The following PAPPA variants were observed in gnomAD, a reference collection of about 807,000 sequenced individuals.
The protein encoded by PAPPA is pappalysin 1.
Under a neutral mutation model 164.0 loss-of-function variants are expected in PAPPA, and 60 were observed. The ratio of observed to expected loss-of-function variants is 0.37; its 90% CI spans 0.30 to 0.45. PAPPA has a LOEUF of 0.45. PAPPA is among the 20% of genes least tolerant of loss of function. PAPPA has a pLI of 1.00. For missense variants in PAPPA, 1,782 were observed against 2,087.3 expected (o/e 0.85, Z 2.85); for synonymous variants, 875 against 814.1 (o/e 1.07, Z -1.27).
At chr9:116,334,277 G>A (rs1049192881) in intron 12 of PAPPA, among the ~76,000 whole-genome samples, 15 of 150,288 alleles carry the variant, frequency 1.0e-4, no homozygotes, top group Admixed American at 9.9e-4. Context: ...TCTTGAGTGA[G>A]GCAAGCTTGA....
chr9:116,317,625 G>A (rs747787479), intron 10 of PAPPA, among the ~76,000 whole-genome samples: 6 of 152,194 alleles, frequency 3.9e-5, no homozygotes, highest in Non-Finnish European at 8.8e-5. Context: ...CCTGTTTTAG[G>A]ATTATGGTGT....
chr9:116,169,307 A>ATTATTTTTTTTTT (rs1843748582), intron 1 of PAPPA, among the ~76,000 whole-genome samples: 1 of 41,336 alleles, frequency 2.4e-5, no homozygotes, highest in African/African-American at 6.9e-5. Flanking sequence ...CTCCAAACCC[A>ATTATTTTTTTTTT]TTCTTTTTTT....
intron 4 of PAPPA, among the ~76,000 whole-genome samples, chr9:116,215,530 G>A (rs951311641): frequency 6.6e-6 from 1 of 152,110 alleles, no homozygotes; most frequent in African/African-American, 2.4e-5. Context: ...TTATAAGTGG[G>A]GGCTAAATGA....
intron 12 of PAPPA, 172 bp downstream of exon 12, chr9:116,332,640 C>A: frequency 1.7e-6 from 1 of 590,008 alleles, no homozygotes. Context: ...GTTATGTATC[C>A]AGAGAAATCA....
At chr9:116,258,766 T>C (rs138365851) in intron 7 of PAPPA, among the ~76,000 whole-genome samples, 1 of 152,204 alleles carries the variant, frequency 6.6e-6, no homozygotes, top group East Asian at 1.9e-4. Flanking sequence ...CTTAAAGAGA[T>C]TAACTAGTGC....
intron 10 of PAPPA, among the ~76,000 whole-genome samples, chr9:116,313,525 A>C (rs1200501674): frequency 6.6e-6 from 1 of 152,164 alleles, no homozygotes; most frequent in East Asian, 1.9e-4. Context: ...CCAGGAAGAG[A>C]ATATCAATTT....
chr9:116,314,733 A>G (rs1845767057), intron 10 of PAPPA, among the ~76,000 whole-genome samples: 1 of 152,206 alleles, frequency 6.6e-6, no homozygotes, highest in African/African-American at 2.4e-5. Flanking sequence ...TGGAAACACC[A>G]TCATTTGCTC....
chr9:116,172,156 G>A (rs1228898802), intron 1 of PAPPA, among the ~76,000 whole-genome samples: 1 of 152,072 alleles, frequency 6.6e-6, no homozygotes, highest in East Asian at 1.9e-4. Context: ...TATTATTACT[G>A]CAATTTTCCA....
intron 4 of PAPPA, among the ~76,000 whole-genome samples, chr9:116,214,692 G>A (rs543156347): frequency 1.3e-5 from 2 of 152,142 alleles, no homozygotes; most frequent in Admixed American, 6.6e-5. Flanking sequence ...TAAAAGAGTA[G>A]CAGACCCAGT....
At chr9:116,179,026 ACT>A (rs1345762899) in intron 1 of PAPPA, among the ~76,000 whole-genome samples, 2 of 152,132 alleles carry the variant, frequency 1.3e-5, no homozygotes, top group Non-Finnish European at 2.9e-5. Flanking sequence ...CAGGCATACT[ACT>A]CTCAAGCTTG....
chr9:116,168,373 C>T (rs1429580495), intron 1 of PAPPA, among the ~76,000 whole-genome samples: 1 of 152,096 alleles, frequency 6.6e-6, no homozygotes, highest in Non-Finnish European at 1.5e-5. Context: ...AACTCCCAGT[C>T]CTAGTGGTGG....
chr9:116,334,227 G>A (rs1045464622), intron 12 of PAPPA, among the ~76,000 whole-genome samples: 41 of 141,304 alleles, frequency 2.9e-4, no homozygotes, highest in Admixed American at 2.0e-3. Context: ...ATGGGAACCT[G>A]CTGGCTGCAT....
intron 7 of PAPPA, among the ~76,000 whole-genome samples, chr9:116,257,207 T>G (rs1844938207): frequency 6.6e-6 from 1 of 152,004 alleles, no homozygotes; most frequent in African/African-American, 2.4e-5. Flanking sequence ...ATTCACAATA[T>G]TTGTGAATTA....
chr9:116,290,247 T>A (rs570612351), intron 9 of PAPPA, among the ~76,000 whole-genome samples: 1 of 152,314 alleles, frequency 6.6e-6, no homozygotes, highest in South Asian at 2.1e-4. Context: ...AGGCACACAC[T>A]TTACCTTCTG....
chr9:116,171,644 G>T (rs1843777068), intron 1 of PAPPA, among the ~76,000 whole-genome samples: 1 of 152,142 alleles, frequency 6.6e-6, no homozygotes, highest in Non-Finnish European at 1.5e-5. Context: ...GTGAACAGTG[G>T]GTATCACTGG....
chr9:116,328,871 T>C (rs1485022049), intron 10 of PAPPA, among the ~76,000 whole-genome samples: 2 of 152,222 alleles, frequency 1.3e-5, no homozygotes, highest in Non-Finnish European at 2.9e-5. Flanking sequence ...GACAACTTGT[T>C]CAAAATTGCA....
In PAPPA at chr9:116,154,364, G is replaced by GCCGCCGCCGCCA. The variant is rs1843573800; in HGVS notation, c.195_196insCCGCCGCCACCG (p.Pro62_Pro65dup). The GCCGCCGCCGCCA allele has an allele frequency of 1.1e-6, 1 of 918,492 alleles. No individual in the cohort carries two copies. The highest frequency in any genetic ancestry group is 5.4e-5 in the Admixed American group (1 of 18,434). 56.9% of individuals were successfully genotyped at this position (918,492 alleles called of 1,614,324 possible). ...GCGCCTCGCCGCCGCCGCCGCCGCC[G>GCCGCCGCCGCCA]CCGGGCGGTGCCTGGGAAGCCGTGC... On this transcript the variant is annotated inframe_insertion, in exon 1 of 22. Coordinates refer to ENST00000328252, the MANE Select transcript of PAPPA (RefSeq NM_002581.5). This position sits in a 1 kb window ranked among gnomAD's most constrained non-coding sequence, Gnocchi z 5.2.
rs1846442068 is a variant in PAPPA at position 116,362,583 on chromosome 9, G to A, written c.4348-9G>A. On this transcript the variant is annotated splice_polypyrimidine_tract_variant and intron_variant, in intron 17 of 21. Coordinates refer to ENST00000328252, the MANE Select transcript of PAPPA (RefSeq NM_002581.5). The stretch of plus-strand genomic sequence containing the variant: ...CTCTTGGTCCTAACTCTGTTTCTCT[G>A]TTGTTCAGGGACTTGGGAGCAATGT... The A allele has an allele frequency of 1.9e-6, 3 of 1,612,004 alleles. No homozygotes were observed. The Admixed American group carries it at 5.0e-5, about 27-fold the overall frequency.
intron 10 of PAPPA, among the ~76,000 whole-genome samples, chr9:116,320,734 A>AGTGTGTGTGTAT (rs1845844427): frequency 6.6e-6 from 1 of 151,858 alleles, no homozygotes; most frequent in African/African-American, 2.4e-5. Context: ...GTAAAAAGGA[A>AGTGTGTGTGTAT]GTGTGTGTGT....
Sources: gnomAD v4.1 joint callset for allele counts (sites outside exome capture counted in the v4.1 genomes callset) on GRCh38, gnomAD v4.1.1 for gene constraint, Gnocchi (gnomAD v3.1) non-coding constraint, MANE v1.5 for transcripts, NCBI Gene and HGNC (gene_info 2026-07-23, HGNC 2026-07-21) for gene names.